Variants in PDE11A observed in about 807,000 individuals in gnomAD.
PDE11A encodes the protein dual 3',5'-cyclic-AMP and -GMP phosphodiesterase 11A.
In PDE11A, 100 loss-of-function variants were observed where a neutral mutation model predicts 100.5. That is an observed-to-expected ratio of 1.00 (90% confidence interval 0.85 to 1.18). PDE11A has a LOEUF of 1.18. Ranked by LOEUF, PDE11A falls within the 50% of genes most tolerant of loss-of-function variation. The probability of loss-of-function intolerance (pLI) is 0.00; values close to 1 mark genes in which losing one functional copy is unlikely to be tolerated. For synonymous variants in PDE11A, 381 were observed against 420.8 expected, an observed-to-expected ratio of 0.91 and a Z score of 1.16; for missense variants, 1,141 against 1,152.6, an observed-to-expected ratio of 0.99 and a Z score of 0.15.
intron 2 of PDE11A, among the ~76,000 whole-genome samples, chr2:177,950,430 G>A (rs10174152): frequency 0.038 from 5,718 of 152,158 alleles, 372 homozygotes; most frequent in African/African-American, 0.13. Flanking sequence ...CATCCTCAAA[G>A]TCTGGTATCT....
intron 1 of PDE11A, chr2:178,105,625 A>G: frequency 2.1e-6 from 1 of 467,328 alleles, no homozygotes; most frequent in Non-Finnish European, 3.7e-6. Context: ...CTATCAAAAA[A>G]TTGTACTTTA....
chr2:177,728,136 C>T lies in PDE11A; in HGVS notation c.1825G>A (p.Asp609Asn), dbSNP rs77934668. 3,257 of 1,612,938 alleles carry T rather than the reference C, an allele frequency of 2.0e-3. 3 individuals carry two copies. The highest frequency in any genetic ancestry group is 2.6e-3 in the Non-Finnish European group (3,039 of 1,179,184). Reference protein sequence around the residue: ...NIPLVSELAIDDIHFDDFSLD... With the variant: ...NIPLVSELAINDIHFDDFSLD... ...GAAAAGTCATCAAAATGAATGTCATCGATGGCAAGTTCTGACACCAGAGGG... is the reference window on the plus strand; with the variant it reads ...GAAAAGTCATCAAAATGAATGTCATTGATGGCAAGTTCTGACACCAGAGGG... Residue 609 changes from aspartate (D) to asparagine (N), a missense_variant, in exon 11 of 20, where the codon GAT becomes AAT. Asp to Asn is a conservative substitution (Grantham distance 23). Transcript: ENST00000286063.
intron 3 of PDE11A, among the ~76,000 whole-genome samples, chr2:177,900,488 G>C (rs1205393347): frequency 1.3e-5 from 2 of 152,228 alleles, no homozygotes; most frequent in African/African-American, 2.4e-5. Context: ...GGGTGTGGTG[G>C]CTCATGCCAA....
intron 4 of PDE11A, 60 bp downstream of exon 4, chr2:177,897,998 T>C (rs2084635632): frequency 4.4e-6 from 6 of 1,363,020 alleles, no homozygotes; most frequent in African/African-American, 2.8e-5. Flanking sequence ...TAATTATAAA[T>C]AAACTCAACT....
intron 10 of PDE11A, among the ~76,000 whole-genome samples, chr2:177,759,916 G>GT (rs1396729560): frequency 6.6e-6 from 1 of 152,104 alleles, no homozygotes; most frequent in African/African-American, 2.4e-5. Flanking sequence ...TTTCTCAGAC[G>GT]TCATTACCAT....
At chr2:177,682,173 T>C (rs955133385) in intron 15 of PDE11A, among the ~76,000 whole-genome samples, 1 of 152,216 alleles carries the variant, frequency 6.6e-6, no homozygotes, top group African/African-American at 2.4e-5. Context: ...TCCAGGTCTT[T>C]AGATAGACCC....
At chr2:177,802,215 T>C (rs141271321) in intron 9 of PDE11A, among the ~76,000 whole-genome samples, 28 of 152,232 alleles carry the variant, frequency 1.8e-4, no homozygotes, top group African/African-American at 6.5e-4. Flanking sequence ...CATTAAATAC[T>C]GGTGAGACTG....
intron 2 of PDE11A, among the ~76,000 whole-genome samples, chr2:177,910,916 A>G (rs906115617): frequency 3.3e-5 from 5 of 152,194 alleles, no homozygotes; most frequent in African/African-American, 1.2e-4. Context: ...CCGGGGGTCT[A>G]CACTGGAGAA....
intron 7 of PDE11A, 125 bp downstream of exon 7, chr2:177,820,095 G>A (rs1046880389): frequency 7.7e-6 from 5 of 646,048 alleles, no homozygotes; most frequent in Middle Eastern, 3.7e-4. Flanking sequence ...ATACGAGAGT[G>A]TGAGACATAG....
At chr2:177,951,277 C>T (rs1306979786) in intron 2 of PDE11A, among the ~76,000 whole-genome samples, 1 of 152,150 alleles carries the variant, frequency 6.6e-6, no homozygotes, top group Non-Finnish European at 1.5e-5. Context: ...TTTTAGTTGC[C>T]TGGCTAAGTA....
At chr2:177,946,040 C>A (rs865963995) in intron 2 of PDE11A, among the ~76,000 whole-genome samples, 1,056 of 102,452 alleles carry the variant, frequency 0.01, no homozygotes, top group South Asian at 0.016. Context: ...CCGCCCCGTC[C>A]GGGAGGGAGG....
intron 15 of PDE11A, 78 bp downstream of exon 15, chr2:177,697,254 T>C (rs2081126006): frequency 1.3e-6 from 1 of 790,674 alleles, no homozygotes; most frequent in Non-Finnish European, 2.3e-6. Flanking sequence ...GAATAACAGG[T>C]AACCTCCAGT....
intron 2 of PDE11A, among the ~76,000 whole-genome samples, chr2:177,959,893 G>A (rs2085610793): frequency 6.6e-6 from 1 of 151,996 alleles, no homozygotes; most frequent in Non-Finnish European, 1.5e-5. Context: ...AGAAATACTG[G>A]TTAATGTTTA....
intron 15 of PDE11A, among the ~76,000 whole-genome samples, chr2:177,696,750 G>C (rs752650397): frequency 6.6e-6 from 1 of 152,144 alleles, no homozygotes; most frequent in Non-Finnish European, 1.5e-5. Flanking sequence ...CTTTAAGATA[G>C]GAGAAAATTG....
intron 9 of PDE11A, among the ~76,000 whole-genome samples, chr2:177,785,923 C>T (rs530030772): frequency 7.9e-5 from 12 of 152,360 alleles, no homozygotes; most frequent in African/African-American, 2.9e-4. Flanking sequence ...CTCAAGGAGG[C>T]CTGCCTGCCT....
intron 18 of PDE11A, among the ~76,000 whole-genome samples, chr2:177,666,929 A>ATTTATTTATTTATTTC (rs1559134292): frequency 6.6e-6 from 1 of 150,688 alleles, no homozygotes; most frequent in Non-Finnish European, 1.5e-5. Context: ...TTATTTATTT[A>ATTTATTTATTTATTTC]TTTATTTTGA....
At chr2:177,691,151 G>A (rs908467999) in intron 15 of PDE11A, among the ~76,000 whole-genome samples, 2 of 152,168 alleles carry the variant, frequency 1.3e-5, no homozygotes, top group Non-Finnish European at 2.9e-5. Context: ...GGCACCTAGA[G>A]GATGAGATAT....
chr2:178,088,736 T>C (rs748495485), intron 2 of PDE11A, among the ~76,000 whole-genome samples: 4 of 152,230 alleles, frequency 2.6e-5, no homozygotes, highest in Non-Finnish European at 5.9e-5. Context: ...GCTATCACCA[T>C]AACATTTCCT....
intron 2 of PDE11A, among the ~76,000 whole-genome samples, chr2:177,971,206 T>C (rs1276995906): frequency 6.6e-6 from 1 of 152,210 alleles, no homozygotes; most frequent in Non-Finnish European, 1.5e-5. Context: ...CAGCTATGCA[T>C]GTGAACCTTG....
Sources: gnomAD v4.1 joint callset for allele counts (sites outside exome capture counted in the v4.1 genomes callset) on GRCh38, gnomAD v4.1.1 for gene constraint, MANE v1.5 for transcripts, NCBI Gene and HGNC (gene_info 2026-07-23, HGNC 2026-07-21) for gene names.